Variants in PLCH1 observed in about 807,000 individuals in gnomAD.
PLCH1 encodes the protein phospholipase C eta 1, also known as 1-phosphatidylinositol 4,5-bisphosphate phosphodiesterase eta-1.
A neutral mutation model predicts 126.7 loss-of-function variants in PLCH1; 60 were observed. The ratio of observed to expected loss-of-function variants is 0.47; its 90% CI spans 0.38 to 0.59. The LOEUF (loss-of-function observed/expected upper bound fraction) is 0.59. Among genes scored for constraint, PLCH1 ranks in the 20% least tolerant of loss-of-function variants. The pLI is 0.00. For missense variants in PLCH1, 1,723 were observed against 2,040.0 expected (o/e 0.84, Z 2.99); for synonymous variants, 719 against 734.9 (o/e 0.98, Z 0.35).
At chr3:155,667,503 A>T (rs1042452725) in intron 2 of PLCH1, among the ~76,000 whole-genome samples, 7 of 152,212 alleles carry the variant, frequency 4.6e-5, no homozygotes, top group Non-Finnish European at 1.5e-5. Context: ...AAATAAGTTC[A>T]GGATAAAGAA....
chr3:155,491,929 T>C (rs76180297), intron 18 of PLCH1, among the ~76,000 whole-genome samples: 2,954 of 152,278 alleles, frequency 0.019, 87 homozygotes, highest in African/African-American at 0.069. Context: ...TAGACTCTCC[T>C]TTCTGGTACC....
rs1156445406 is a variant in PLCH1, at chr3:155,481,724, A to G, written c.4302T>C (p.Phe1434=). Residue 1434 remains phenylalanine, a synonymous_variant, in exon 23 of 23, where the codon TTT becomes TTC. Coordinates refer to ENST00000460012, the MANE Select transcript of PLCH1 (RefSeq NM_014996.4). The surrounding 1 kb of genome is among the most constrained non-coding windows in gnomAD (Gnocchi z 4.2). ...ISYLAYQGAG[F]VHNHFSDSDA... ...CTGAATCTGAGAAATGATTATGCACAAAGCCAGCACCCTGATAGGCTAGAT... is the reference window on the plus strand; with the variant it reads ...CTGAATCTGAGAAATGATTATGCACGAAGCCAGCACCCTGATAGGCTAGAT... 1.2e-6 allele frequency: 2 copies of G among 1,614,210 alleles called. No homozygotes were observed. The highest frequency in any genetic ancestry group is 1.1e-5 in the South Asian group (1 of 91,080).
intron 12 of PLCH1, 72 bp from the exon 13 acceptor site, chr3:155,504,698 T>G (rs1397934463): frequency 5.0e-6 from 5 of 1,003,802 alleles, no homozygotes; most frequent in Admixed American, 1.8e-5. Context: ...TCTGGTGGAA[T>G]AGCAAGGGGG....
At chr3:155,578,797 G>C (rs1194052472) in intron 6 of PLCH1, among the ~76,000 whole-genome samples, 2 of 152,134 alleles carry the variant, frequency 1.3e-5, no homozygotes, top group African/African-American at 4.8e-5. Flanking sequence ...GTGGAAAACA[G>C]CAGAAAAGGA....
At chr3:155,635,121 G>A (rs891154290) in intron 2 of PLCH1, among the ~76,000 whole-genome samples, 1 of 145,532 alleles carries the variant, frequency 6.9e-6, no homozygotes, top group East Asian at 2.1e-4. Flanking sequence ...CAGACTCAAC[G>A]TGTCATTCAT....
chr3:155,711,749 T>A (rs1392024298), intron 1 of PLCH1, among the ~76,000 whole-genome samples: 1 of 150,232 alleles, frequency 6.7e-6, no homozygotes, highest in East Asian at 2.0e-4. Flanking sequence ...TAGGCCACAG[T>A]ATAGGAGATC....
intron 2 of PLCH1, among the ~76,000 whole-genome samples, chr3:155,701,320 G>C (rs173369): frequency 0.54 from 82,241 of 152,012 alleles, 23,884 homozygotes; most frequent in African/African-American, 0.74. Context: ...TATGAATATG[G>C]TTTATGAACT....
intron 21 of PLCH1, among the ~76,000 whole-genome samples, chr3:155,463,160 T>C (rs576060268): frequency 1.7e-3 from 264 of 152,294 alleles, no homozygotes; most frequent in African/African-American, 5.7e-3. Context: ...CTGTCATTCT[T>C]GCTTCTTTGG....
At chr3:155,492,976 A>G in intron 17 of PLCH1, 123 bp from the exon 18 acceptor site, 1 of 839,460 alleles carries the variant, frequency 1.2e-6, no homozygotes, top group African/African-American at 1.8e-5. Flanking sequence ...TCACATAACT[A>G]TCAGTGTGGC....
At chr3:155,733,974 T>TAC (rs1748967004) in intron 1 of PLCH1, among the ~76,000 whole-genome samples, 1 of 121,060 alleles carries the variant, frequency 8.3e-6, no homozygotes, top group Non-Finnish European at 1.7e-5. Context: ...TATATATATA[T>TAC]ATATGCACTC....
intron 2 of PLCH1, among the ~76,000 whole-genome samples, chr3:155,684,854 C>T (rs1167972536): frequency 6.6e-6 from 1 of 152,176 alleles, no homozygotes; most frequent in Non-Finnish European, 1.5e-5. Flanking sequence ...TACAATTTTA[C>T]ACATACTAAT....
rs1048496804 is a variant in PLCH1, at chr3:155,678,161, A to C, written c.79+25985T>G. ...AAGGGGACAAACTTTTTATGTGCTC[A>C]CTTTACCCACTGGGAGTCTTGCTCA... On this transcript the variant is annotated intron_variant, in intron 2 of 22. Transcript: ENST00000460012. Among the ~76,000 whole-genome samples the C allele has an allele frequency of 3.3e-5, 5 of 152,166 alleles. 1 individual carries two copies. Among genetic ancestry groups the C allele is most frequent in the African/African-American group, 1.2e-4 (5 of 41,438 alleles).
intron 10 of PLCH1, among the ~76,000 whole-genome samples, chr3:155,546,574 A>T (rs1308663337): frequency 5.3e-5 from 8 of 152,112 alleles, no homozygotes; most frequent in Non-Finnish European, 1.2e-4. Flanking sequence ...AGAGCCTGCA[A>T]CGCCAAGTCA....
chr3:155,643,421 T>A (rs1343027740), intron 2 of PLCH1, among the ~76,000 whole-genome samples: 1 of 152,172 alleles, frequency 6.6e-6, no homozygotes, highest in Non-Finnish European at 1.5e-5. Context: ...TATATACTCA[T>A]GACATACCCT....
rs1333890452 is a variant in PLCH1 at position 155,544,722 on chromosome 3, G to A, written c.1362+5065C>T. 1.4e-3 allele frequency among the ~76,000 whole-genome samples: 213 copies of A among 151,522 alleles called. 1 individual carries two copies. Among genetic ancestry groups the A allele is most frequent in the African/African-American group, 5.0e-3 (207 of 41,324 alleles). Reference sequence around the variant, plus strand: ...ACAGTGCAATCAAACTAGAACTCAGGATTAAGAAACTCACTCAAAACCACT... The same window carrying A: ...ACAGTGCAATCAAACTAGAACTCAGAATTAAGAAACTCACTCAAAACCACT... On this transcript the variant is annotated intron_variant, in intron 10 of 22. Coordinates refer to ENST00000460012, the MANE Select transcript of PLCH1 (RefSeq NM_014996.4).
At chr3:155,457,295 G>A (rs1303580268) in intron 21 of PLCH1, 1 of 152,328 alleles carries the variant, frequency 6.6e-6, no homozygotes, top group African/African-American at 2.4e-5. Context: ...AAATGGGCCA[G>A]GGAGGAGGGA....
At chr3:155,517,803 G>A (rs1030195419) in intron 11 of PLCH1, among the ~76,000 whole-genome samples, 3 of 152,080 alleles carry the variant, frequency 2.0e-5, no homozygotes, top group Non-Finnish European at 4.4e-5. Flanking sequence ...ACTAACAGCT[G>A]ATCATCTGGC....
At chr3:155,698,778 C>T (rs1487471897) in intron 2 of PLCH1, among the ~76,000 whole-genome samples, 1 of 152,162 alleles carries the variant, frequency 6.6e-6, no homozygotes, top group African/African-American at 2.4e-5. Flanking sequence ...ATCTTCACCA[C>T]CTGCAAGATA....
At chr3:155,732,139 A>G (rs938310641) in intron 1 of PLCH1, among the ~76,000 whole-genome samples, 1 of 152,152 alleles carries the variant, frequency 6.6e-6, no homozygotes, top group Non-Finnish European at 1.5e-5. Flanking sequence ...ACAAACTTCA[A>G]GAAAATACAT....
Sources: gnomAD v4.1 joint callset for allele counts (sites outside exome capture counted in the v4.1 genomes callset) on GRCh38, gnomAD v4.1.1 for gene constraint, Gnocchi (gnomAD v3.1) non-coding constraint, MANE v1.5 for transcripts, NCBI Gene and HGNC (gene_info 2026-07-23, HGNC 2026-07-21) for gene names.